The following IGF2BP2 variants were observed in gnomAD, a reference collection of about 807,000 sequenced individuals.
The protein encoded by IGF2BP2 is insulin like growth factor 2 mRNA binding protein 2.
IGF2BP2 carries 17 observed loss-of-function variants against 75.8 expected under a neutral mutation model. The observed-to-expected ratio is 0.22, with a 90% CI of 0.15 to 0.34. IGF2BP2 has a LOEUF of 0.34. IGF2BP2 is among the 10% of genes least tolerant of loss of function. IGF2BP2 has a pLI of 1.00. For synonymous variants in IGF2BP2, 288 were observed against 295.6 expected, an observed-to-expected ratio of 0.97 and a Z score of 0.26; for missense variants, 516 against 772.4, an observed-to-expected ratio of 0.67 and a Z score of 3.93.
At chr3:185,754,927 T>G (rs1452943377) in intron 2 of IGF2BP2, among the ~76,000 whole-genome samples, 1 of 152,132 alleles carries the variant, frequency 6.6e-6, no homozygotes, top group African/African-American at 2.4e-5. Context: ...AAGTGGAACT[T>G]ATATTTAAAA....
intron 2 of IGF2BP2, among the ~76,000 whole-genome samples, chr3:185,821,443 T>G (rs1175184194): frequency 6.6e-6 from 1 of 152,158 alleles, no homozygotes; most frequent in African/African-American, 2.4e-5. Context: ...CAGAACAAAA[T>G]TACTTAAATG....
At chr3:185,810,106 A>G (rs1739598224) in intron 2 of IGF2BP2, among the ~76,000 whole-genome samples, 1 of 152,260 alleles carries the variant, frequency 6.6e-6, no homozygotes, top group Non-Finnish European at 1.5e-5. Flanking sequence ...TTTCTAAGAC[A>G]TGCGCTTTAC....
In IGF2BP2 at chr3:185,730,596, G is replaced by A. The variant is rs540401682; in HGVS notation, c.240-32249C>T. On this transcript the variant is annotated intron_variant, in intron 2 of 15. Transcript: ENST00000382199. ...ATTACAAGCATGCGCCACCACGCCC[G>A]GCTAATTTTGTATTTTTAGTAGAGA... 7.4e-4 allele frequency among the ~76,000 whole-genome samples: 112 copies of A among 151,924 alleles called. No homozygotes were observed. The South Asian group carries it at 0.01, about 14-fold the overall frequency.
intron 2 of IGF2BP2, among the ~76,000 whole-genome samples, chr3:185,803,624 T>C (rs765418365): frequency 2.0e-5 from 3 of 152,214 alleles, no homozygotes; most frequent in Non-Finnish European, 4.4e-5. Flanking sequence ...TCTTCTAGCA[T>C]AGGGTGGCAC....
In IGF2BP2 at chr3:185,824,970, C is replaced by T. The variant is rs1323376373; in HGVS notation, c.-10G>A. On this transcript the variant is annotated 5_prime_UTR_variant, in exon 1 of 16. Transcript: ENST00000382199. ...AAAGCTTGTTCATCATCCGTCTCTT[C>T]CCCGAGAGCCCGCGGCTCCCCCGGC... is the stretch of plus-strand genomic sequence containing the variant. 3 of 1,495,002 alleles carry T rather than the reference C, an allele frequency of 2.0e-6. No homozygotes were observed. Among genetic ancestry groups the T allele is most frequent in the South Asian group, 2.6e-5 (2 of 78,180 alleles). The allele number at this position is 1,495,002 out of a possible 1,614,324, so 92.6% of individuals were successfully genotyped here.
intron 2 of IGF2BP2, among the ~76,000 whole-genome samples, chr3:185,710,959 ATAT>A (rs1309516093): frequency 6.6e-6 from 1 of 152,186 alleles, no homozygotes; most frequent in Non-Finnish European, 1.5e-5. Context: ...ATGCTGAAGA[ATAT>A]TATTAGCTCT....
intron 2 of IGF2BP2, among the ~76,000 whole-genome samples, chr3:185,817,914 T>G (rs576703655): frequency 1.4e-4 from 21 of 152,214 alleles, no homozygotes; most frequent in African/African-American, 1.9e-4. Flanking sequence ...TTTTGAGAGA[T>G]AATGCTTTTG....
Position 185,702,312 on chromosome 3 carries a change from G to A in IGF2BP2, c.240-3965C>T, listed in dbSNP as rs1723413593. ...TTGTCTATTTTTTCTTTGCCAGGAA[G>A]TCAACAGGAGAGGGAAGGAGGTGTT... On this transcript the variant is annotated intron_variant, in intron 2 of 15. Coordinates refer to ENST00000382199, the MANE Select transcript of IGF2BP2 (RefSeq NM_006548.6). Among the ~76,000 whole-genome samples, 2 of 152,062 alleles carry A rather than the reference G, an allele frequency of 1.3e-5. 1 individual carries two copies. The highest frequency in any genetic ancestry group is 4.2e-4 in the South Asian group (2 of 4,814).
chr3:185,666,016 AG>A (rs1717546102), intron 10 of IGF2BP2, among the ~76,000 whole-genome samples: 1 of 148,894 alleles, frequency 6.7e-6, no homozygotes, highest in Non-Finnish European at 1.5e-5. Context: ...ATAGATAGAT[AG>A]ATAGATAGAT....
chr3:185,804,786 G>A (rs1024210932), intron 2 of IGF2BP2, among the ~76,000 whole-genome samples: 10 of 151,774 alleles, frequency 6.6e-5, no homozygotes, highest in African/African-American at 2.2e-4. Flanking sequence ...TCAGGACATC[G>A]AGACCATCCT....
chr3:185,823,782 C>CG (rs1343753700), intron 1 of IGF2BP2, among the ~76,000 whole-genome samples: 1 of 151,804 alleles, frequency 6.6e-6, no homozygotes, highest in Admixed American at 6.5e-5. Context: ...GGCCGGGGTT[C>CG]GGGGGGCGCC....
intron 2 of IGF2BP2, among the ~76,000 whole-genome samples, chr3:185,813,416 C>T (rs999235874): frequency 4.6e-5 from 7 of 152,138 alleles, no homozygotes; most frequent in African/African-American, 1.7e-4. Context: ...GGGAGTTTTA[C>T]AAGGCTTAGT....
intron 2 of IGF2BP2, among the ~76,000 whole-genome samples, chr3:185,775,115 A>G (rs1274340074): frequency 6.6e-6 from 1 of 152,224 alleles, no homozygotes; most frequent in African/African-American, 2.4e-5. Context: ...CTATGGTCTC[A>G]GTTTCTTTAT....
intron 2 of IGF2BP2, among the ~76,000 whole-genome samples, chr3:185,751,535 T>A (rs139400526): frequency 2.8e-5 from 4 of 144,146 alleles, no homozygotes; most frequent in South Asian, 2.2e-4. Flanking sequence ...TTGCTACTAG[T>A]ATTCTCCTGC....
intron 2 of IGF2BP2, among the ~76,000 whole-genome samples, chr3:185,710,301 G>A (rs1469689926): frequency 1.3e-5 from 2 of 152,072 alleles, no homozygotes; most frequent in Non-Finnish European, 2.9e-5. Flanking sequence ...TAAAGATGGG[G>A]TAGGTATTGT....
chr3:185,775,579 G>A (rs1734437327), intron 2 of IGF2BP2, among the ~76,000 whole-genome samples: 1 of 152,206 alleles, frequency 6.6e-6, no homozygotes, highest in Non-Finnish European at 1.5e-5. Flanking sequence ...GAACTGGAGT[G>A]CACCAACAGA....
At chr3:185,713,424 T>C (rs767205695) in intron 2 of IGF2BP2, 5 of 519,974 alleles carry the variant, frequency 9.6e-6, no homozygotes, top group South Asian at 7.0e-5. Context: ...GGCGGCTTGG[T>C]TTAATGGCAA....
At chr3:185,688,328 C>CA (rs1431218271) in intron 6 of IGF2BP2, among the ~76,000 whole-genome samples, 1 of 152,156 alleles carries the variant, frequency 6.6e-6, no homozygotes, top group Admixed American at 6.5e-5. Context: ...CCTGGCAAAA[C>CA]AGACAGGAAC....
At chr3:185,822,817 G>A (rs1342167304) in intron 2 of IGF2BP2, among the ~76,000 whole-genome samples, 1 of 149,212 alleles carries the variant, frequency 6.7e-6, no homozygotes, top group African/African-American at 2.5e-5. Context: ...GTCTTGACAA[G>A]CATTTGCTGC....
Sources: gnomAD v4.1 joint callset for allele counts (sites outside exome capture counted in the v4.1 genomes callset) on GRCh38, gnomAD v4.1.1 for gene constraint, MANE v1.5 for transcripts, NCBI Gene and HGNC (gene_info 2026-07-23, HGNC 2026-07-21) for gene names.